Variants in RFX3 observed in about 807,000 individuals in gnomAD.
RFX3 encodes the protein transcription factor RFX3.
RFX3 carries 14 observed loss-of-function variants against 98.6 expected under a neutral mutation model. The observed-to-expected ratio is 0.14, with a 90% CI of 0.09 to 0.22. The LOEUF (loss-of-function observed/expected upper bound fraction) is 0.22, where lower values mean the gene tolerates loss of function less well. RFX3 is among the 10% of genes least tolerant of loss of function. RFX3 has a pLI of 1.00. For synonymous variants in RFX3, 383 were observed against 328.4 expected (o/e 1.17, Z -1.80); for missense variants, 639 against 926.9 (o/e 0.69, Z 4.03).
Position 3,261,748 on chromosome 9 carries a change from T to C in RFX3, c.1605+1187A>G, listed in dbSNP as rs552457630. Reference sequence around the variant, plus strand: ...ACTGTTTTCCAAAGTGGCTACAGCATTTTATATTCTGACCAGCAGTGTATG... The same window carrying C: ...ACTGTTTTCCAAAGTGGCTACAGCACTTTATATTCTGACCAGCAGTGTATG... On this transcript the variant is annotated intron_variant, in intron 13 of 16. Transcript: ENST00000617270. Among the ~76,000 whole-genome samples the C allele has an allele frequency of 8.5e-5, 13 of 152,272 alleles. 2 individuals carry two copies. The highest frequency in any genetic ancestry group is 2.9e-4 in the African/African-American group (12 of 41,570).
chr9:3,334,080 C>A (rs952152377), intron 3 of RFX3, among the ~76,000 whole-genome samples: 1 of 152,044 alleles, frequency 6.6e-6, no homozygotes, highest in African/African-American at 2.4e-5. Flanking sequence ...AATGTATATT[C>A]TCAACCATTA....
chr9:3,453,457 G>A (rs530826722), intron 1 of RFX3: 1 of 151,990 alleles, frequency 6.6e-6, no homozygotes, highest in African/African-American at 2.4e-5. Flanking sequence ...TGCTGGCAAT[G>A]TCAGCACTTT....
intron 1 of RFX3, among the ~76,000 whole-genome samples, chr9:3,465,874 A>T (rs540005418): frequency 4.1e-4 from 63 of 152,260 alleles, no homozygotes; most frequent in African/African-American, 1.5e-3. Context: ...ATTCCTAAAA[A>T]TCAGGATTTG....
At chr9:3,328,797 A>G (rs926924605) in intron 4 of RFX3, among the ~76,000 whole-genome samples, 1 of 152,180 alleles carries the variant, frequency 6.6e-6, no homozygotes, top group Non-Finnish European at 1.5e-5. Flanking sequence ...AAATCCATAA[A>G]ATGAGAAATA....
intron 1 of RFX3, among the ~76,000 whole-genome samples, chr9:3,422,081 AG>A (rs1843495090): frequency 6.6e-6 from 1 of 152,214 alleles, no homozygotes; most frequent in Non-Finnish European, 1.5e-5. Context: ...ACCTAAGGGA[AG>A]GCAGGAGCAG....
At chr9:3,396,859 T>A (rs898819807) in intron 1 of RFX3, among the ~76,000 whole-genome samples, 2 of 152,206 alleles carry the variant, frequency 1.3e-5, no homozygotes, top group African/African-American at 4.8e-5. Context: ...TAAGGTCCTT[T>A]CCAACTTTAA....
intron 15 of RFX3, among the ~76,000 whole-genome samples, chr9:3,231,761 A>G (rs2130707497): frequency 6.6e-6 from 1 of 152,234 alleles, no homozygotes; most frequent in African/African-American, 2.4e-5. Flanking sequence ...TTAGGCCAGC[A>G]CAAATCAAAA....
At chr9:3,239,178 G>C (rs1298264123) in intron 15 of RFX3, among the ~76,000 whole-genome samples, 2 of 152,222 alleles carry the variant, frequency 1.3e-5, no homozygotes, top group Non-Finnish European at 2.9e-5. Context: ...AAAGCATTCT[G>C]CATTTAGCAC....
Position 3,462,055 on chromosome 9 carries a change from C to G in RFX3, c.-9+63692G>C, listed in dbSNP as rs114125090. 2.6e-3 allele frequency among the ~76,000 whole-genome samples: 392 copies of G among 151,912 alleles called. 1 individual carries two copies. Among genetic ancestry groups the G allele is most frequent in the African/African-American group, 9.1e-3 (379 of 41,504 alleles). On this transcript the variant is annotated intron_variant, in intron 1 of 16. Transcript: ENST00000617270. ...GTTTACTCCTCCTGAAAATAAAAGA[C>G]GGAACATTCCCCAACTCATTTTATG...
At chr9:3,506,314 A>C (rs1464143412) in intron 1 of RFX3, among the ~76,000 whole-genome samples, 1 of 151,816 alleles carries the variant, frequency 6.6e-6, no homozygotes, top group Non-Finnish European at 1.5e-5. Flanking sequence ...AATATCACAA[A>C]TGCAAACATG....
chr9:3,297,053 T>C (rs912860724), intron 5 of RFX3, among the ~76,000 whole-genome samples: 5 of 152,158 alleles, frequency 3.3e-5, no homozygotes. Context: ...GGCAGTTAAG[T>C]TTTTGTGTAA....
rs1411641895 is a variant in RFX3 at position 3,221,125 on chromosome 9, T to C, written c.*3917A>G. 6.6e-6 allele frequency: 1 copy of C among 152,156 alleles called. No homozygotes were observed. The highest frequency in any genetic ancestry group is 2.4e-5 in the African/African-American group (1 of 41,452). The allele number at this position is 152,156 out of a possible 1,614,324, so 9.4% of individuals were successfully genotyped here. On this transcript the variant is annotated 3_prime_UTR_variant, in exon 17 of 17. Transcript: ENST00000617270. ...CCTCAAATTGTACACAAAGGTGACT[T>C]GCCAAGTTTTTTCTTTCTACTTGTG...
intron 2 of RFX3, among the ~76,000 whole-genome samples, chr9:3,372,943 A>C (rs1417423809): frequency 6.6e-6 from 1 of 152,128 alleles, no homozygotes; most frequent in Middle Eastern, 3.2e-3. Flanking sequence ...ATCTCTTGGA[A>C]AAAAGGTTGC....
At chr9:3,415,090 A>ATGAG (rs1842862697) in intron 1 of RFX3, among the ~76,000 whole-genome samples, 1 of 89,434 alleles carries the variant, frequency 1.1e-5, no homozygotes, top group Non-Finnish European at 1.9e-5. Flanking sequence ...ATTCTTATAT[A>ATGAG]TATACTCATA....
rs181995199 is a variant in RFX3 at position 3,403,201 on chromosome 9, G to A, written c.-8-7605C>T. Among the ~76,000 whole-genome samples the A allele has an allele frequency of 5.2e-3, 786 of 152,110 alleles. 9 individuals carry two copies. The highest frequency in any genetic ancestry group is 7.6e-3 in the Admixed American group (116 of 15,272). The stretch of plus-strand genomic sequence containing the variant: ...CAGTACAAATGAAAAAACTAGTTAA[G>A]CTATAAACTGTTGTCAAACACCAAC... On this transcript the variant is annotated intron_variant, in intron 1 of 16. Transcript: ENST00000617270.
rs569472947 is a variant in RFX3, at chr9:3,395,553, C to G, written c.36G>C (p.Ser12=). 6.2e-7 allele frequency: 1 copy of G among 1,614,020 alleles called. No individual in the cohort carries two copies. The highest frequency in any genetic ancestry group is 1.3e-5 in the African/African-American group (1 of 75,024). Residue 12 remains serine (S), a synonymous_variant, in exon 2 of 17, where the codon TCG becomes TCC. Coordinates refer to ENST00000617270, the MANE Select transcript of RFX3 (RefSeq NM_001282116.2). ...QTSETGSDTG[S]TVTLQTSVAS... ...CCACAGATGTTTGTAAGGTCACTGTCGAGCCTGTGTCCGACCCAGTCTCTG... is the reference window on the plus strand; with the variant it reads ...CCACAGATGTTTGTAAGGTCACTGTGGAGCCTGTGTCCGACCCAGTCTCTG...
chr9:3,296,712 G>A (rs1828036960), intron 5 of RFX3, among the ~76,000 whole-genome samples: 1 of 152,084 alleles, frequency 6.6e-6, no homozygotes, highest in Admixed American at 6.6e-5. Context: ...TGCCTGGAGA[G>A]CAGGTTGAGA....
At chr9:3,248,679 G>C (rs1233064262) in intron 14 of RFX3, among the ~76,000 whole-genome samples, 1 of 152,086 alleles carries the variant, frequency 6.6e-6, no homozygotes, top group African/African-American at 2.4e-5. Flanking sequence ...TCCCAGATGT[G>C]GCAATACAGA....
At chr9:3,399,268 C>A in intron 1 of RFX3, among the ~76,000 whole-genome samples, 1 of 142,130 alleles carries the variant, frequency 7.0e-6, no homozygotes, top group Non-Finnish European at 1.5e-5. Flanking sequence ...AACCCTGTCT[C>A]TGCTTAAAAA....
Sources: gnomAD v4.1 joint callset for allele counts (sites outside exome capture counted in the v4.1 genomes callset) on GRCh38, gnomAD v4.1.1 for gene constraint, MANE v1.5 for transcripts, NCBI Gene and HGNC (gene_info 2026-07-23, HGNC 2026-07-21) for gene names.